The following TRIM24 variants were observed in gnomAD, a reference collection of about 807,000 sequenced individuals.
TRIM24 encodes the protein tripartite motif containing 24.
TRIM24 carries 29 observed loss-of-function variants against 123.9 expected under a neutral mutation model. The ratio of observed to expected loss-of-function variants is 0.23; its 90% confidence interval spans 0.17 to 0.32. TRIM24 has a LOEUF of 0.32. Among genes scored for constraint, TRIM24 ranks in the 10% least tolerant of loss-of-function variants. TRIM24 has a pLI of 1.00. For synonymous variants in TRIM24, 456 were observed against 461.1 expected (o/e 0.99, Z 0.14); for missense variants, 932 against 1,295.3 (o/e 0.72, Z 4.31).
At chr7:138,512,715 A>G (rs898793290) in intron 2 of TRIM24, among the ~76,000 whole-genome samples, 1 of 152,196 alleles carries the variant, frequency 6.6e-6, no homozygotes, top group African/African-American at 2.4e-5. Flanking sequence ...CCTGGCCTGT[A>G]AAACCATTCA....
At chr7:138,557,415 G>A (rs958559182) in intron 9 of TRIM24, among the ~76,000 whole-genome samples, 1 of 152,322 alleles carries the variant, frequency 6.6e-6, no homozygotes, top group African/African-American at 2.4e-5. Context: ...CATTAGCTGA[G>A]TGGTAGTTTG....
At chr7:138,519,410 G>A in intron 4 of TRIM24, 89 bp downstream of exon 4, 1 of 1,450,170 alleles carries the variant, frequency 6.9e-7, no homozygotes, top group Non-Finnish European at 9.3e-7. Flanking sequence ...ATGGCAGTCT[G>A]CAAATAGGTT....
In TRIM24 at chr7:138,585,863, A is replaced by G. The variant is rs776823075; in HGVS notation, c.*912A>G. 5.8e-6 allele frequency: 3 copies of G among 518,982 alleles called. No individual in the cohort carries two copies. The highest frequency in any genetic ancestry group is 5.8e-5 in the African/African-American group (3 of 51,960). 32.1% of individuals were successfully genotyped at this position (518,982 alleles called of 1,614,324 possible). A position where few individuals can be genotyped will look rare whatever the true frequency, so the allele number is the denominator to read the frequency against. Reference sequence around the variant, plus strand: ...ACTGTATTTGATGTGAGGGTTCTTCATCATATACCCTACTGGGCATTAAAT... The same window carrying G: ...ACTGTATTTGATGTGAGGGTTCTTCGTCATATACCCTACTGGGCATTAAAT... On this transcript the variant is annotated 3_prime_UTR_variant, in exon 19 of 19. Coordinates refer to ENST00000343526, the MANE Select transcript of TRIM24 (RefSeq NM_015905.3).
chr7:138,520,608 T>C (rs999578268), intron 4 of TRIM24, among the ~76,000 whole-genome samples: 2 of 152,102 alleles, frequency 1.3e-5, no homozygotes, highest in Admixed American at 1.3e-4. Context: ...GAGGATTGCT[T>C]GAGCCCAGGA....
rs1433255061 is a variant in TRIM24 at position 138,586,410 on chromosome 7, C to T, written c.*1459C>T. On this transcript the variant is annotated 3_prime_UTR_variant, in exon 19 of 19. Coordinates refer to ENST00000343526, the MANE Select transcript of TRIM24 (RefSeq NM_015905.3). ...AGAAGACTTGGTTTTATCTACATGG[C>T]TTTACTTCTTAAAGTGGAAAATATC... 1.3e-5 allele frequency: 2 copies of T among 153,400 alleles called. No homozygotes were observed. The highest frequency in any genetic ancestry group is 2.4e-5 in the African/African-American group (1 of 41,434). The allele number at this position is 153,400 out of a possible 1,614,324, so 9.5% of individuals were successfully genotyped here. A position where few individuals can be genotyped will look rare whatever the true frequency, so the allele number is the denominator to read the frequency against.
intron 10 of TRIM24, among the ~76,000 whole-genome samples, chr7:138,569,380 T>C (rs1484654560): frequency 2.0e-5 from 3 of 152,198 alleles, no homozygotes; most frequent in Non-Finnish European, 4.4e-5. Flanking sequence ...TTTTAAGTAG[T>C]AGATGAGTTT....
chr7:138,504,406 C>A lies in TRIM24; in HGVS notation c.481C>A (p.Gln161Lys). 1 of 1,361,816 alleles carries A rather than the reference C, an allele frequency of 7.3e-7. No individual in the cohort carries two copies. Among genetic ancestry groups the A allele is most frequent in the Non-Finnish European group, 1.0e-6 (1 of 1,002,540 alleles). 84.4% of individuals were successfully genotyped at this position (1,361,816 alleles called of 1,614,324 possible). A position where few individuals can be genotyped will look rare whatever the true frequency, so the allele number is the denominator to read the frequency against. Reference protein sequence around the residue: ...VPSSTVEKSNQVCTSCEDNAE... With the variant: ...VPSSTVEKSNKVCTSCEDNAE... ...CAGCAGTACAGTAGAAAAGTCAAAT[C>A]AGGTAAGTGTATTACATCTTGAACC... is the stretch of plus-strand genomic sequence containing the variant. The change falls in exon 2 of 19, where the codon CAG (glutamine) becomes AAG (lysine). Residue 161 changes from glutamine (Q) to lysine (K), a missense_variant and splice_region_variant. Physicochemically the swap from Gln to Lys is moderately conservative, Grantham distance 53. This residue lies in a region of TRIM24 where 74 missense variants were observed against 163.6 expected (regional missense o/e 0.45). Transcript: ENST00000343526.
At chr7:138,557,512 T>C (rs1234503586) in intron 9 of TRIM24, among the ~76,000 whole-genome samples, 1 of 152,188 alleles carries the variant, frequency 6.6e-6, no homozygotes, top group Admixed American at 6.5e-5. Context: ...CCTCCTAGTA[T>C]GGCCAGGACT....
At chr7:138,533,626 A>G (rs1796797218) in intron 6 of TRIM24, among the ~76,000 whole-genome samples, 1 of 152,198 alleles carries the variant, frequency 6.6e-6, no homozygotes, top group South Asian at 2.1e-4. Context: ...CCAGTATTTT[A>G]TTGAGGATTC....
At chr7:138,463,989 C>CT (rs568562414) in intron 1 of TRIM24, among the ~76,000 whole-genome samples, 1,263 of 50,728 alleles carry the variant, frequency 0.025, 305 homozygotes, top group South Asian at 0.083. Context: ...AAAATTTAGA[C>CT]TTTTTTTTTT....
chr7:138,567,178 A>G (rs961729979), intron 9 of TRIM24, among the ~76,000 whole-genome samples: 5 of 152,156 alleles, frequency 3.3e-5, no homozygotes, highest in African/African-American at 1.2e-4. Context: ...AAGGATACCA[A>G]AGACACATTT....
intron 10 of TRIM24, 62 bp from the exon 11 acceptor site, chr7:138,570,768 C>CAT: frequency 6.6e-7 from 1 of 1,525,764 alleles, no homozygotes; most frequent in Non-Finnish European, 8.9e-7. Flanking sequence ...TGAGTGATTA[C>CAT]ATAGATGTTG....
At chr7:138,581,495 G>T (rs1477532722) in intron 16 of TRIM24, among the ~76,000 whole-genome samples, 1 of 152,148 alleles carries the variant, frequency 6.6e-6, no homozygotes. Context: ...TCTAGTGATT[G>T]TCTTAGTTCA....
At chr7:138,535,587 T>C (rs1584725251) in intron 6 of TRIM24, among the ~76,000 whole-genome samples, 1 of 152,368 alleles carries the variant, frequency 6.6e-6, no homozygotes, top group East Asian at 1.9e-4. Context: ...AGAGATCCAC[T>C]GTTAGTCTGA....
chr7:138,469,244 T>G (rs924033876), intron 1 of TRIM24, among the ~76,000 whole-genome samples: 2 of 151,886 alleles, frequency 1.3e-5, no homozygotes, highest in African/African-American at 4.8e-5. Context: ...TTTCTCTGTT[T>G]AATTTTTCTT....
chr7:138,551,101 T>A lies in TRIM24; in HGVS notation c.1182T>A (p.Cys394Ter). 6.2e-7 allele frequency: 1 copy of A among 1,613,940 alleles called. No individual in the cohort carries two copies. Among genetic ancestry groups the A allele is most frequent in the Non-Finnish European group, 8.5e-7 (1 of 1,179,832 alleles). ...TACGGCACCTCCTTCGTGCAAGGTG[T>A]GATGCATCCCCAGTGACCAACAACA... ...YRLRHLLRAR[C>*]DASPVTNNTI... Residue 394 changes from cysteine (C) to a stop codon, truncating the protein, a stop_gained, in exon 8 of 19, where the codon TGT becomes TGA. Coordinates refer to ENST00000343526, the MANE Select transcript of TRIM24 (RefSeq NM_015905.3). LOFTEE classifies it high-confidence loss of function.
intron 6 of TRIM24, among the ~76,000 whole-genome samples, chr7:138,533,846 A>G (rs1796804621): frequency 1.3e-5 from 2 of 151,952 alleles, no homozygotes. Flanking sequence ...ATCTGGTCCT[A>G]GACTTTTTTT....
At chr7:138,511,527 T>G (rs536362955) in intron 2 of TRIM24, among the ~76,000 whole-genome samples, 2 of 152,042 alleles carry the variant, frequency 1.3e-5, no homozygotes, top group South Asian at 4.2e-4. Context: ...TGACCTCAGG[T>G]AATCCACCCG....
chr7:138,462,717 T>C (rs895420347), intron 1 of TRIM24, among the ~76,000 whole-genome samples: 2 of 152,114 alleles, frequency 1.3e-5, no homozygotes, highest in African/African-American at 4.8e-5. Context: ...GACCCTTGAA[T>C]GTCTTCTGTC....
Sources: allele counts gnomAD v4.1 joint callset (sites outside exome capture counted in the v4.1 genomes callset), GRCh38; gene constraint gnomAD v4.1.1; regional missense constraint gnomAD v4.1.1; transcripts MANE v1.5; gene names NCBI Gene and HGNC (gene_info 2026-07-23, HGNC 2026-07-21).